The following MEIS1 variants were observed in gnomAD, a reference collection of about 807,000 sequenced individuals.
The protein encoded by MEIS1 is homeobox protein Meis1.
A neutral mutation model predicts 50.8 loss-of-function variants in MEIS1; 5 were observed. The observed-to-expected ratio is 0.10, with a 90% CI of 0.05 to 0.21. The LOEUF is 0.21. Ranked by LOEUF, MEIS1 falls within the 10% of genes least tolerant of loss-of-function variation. MEIS1 has a pLI of 1.00. For missense variants in MEIS1, 318 were observed against 517.3 expected (o/e 0.61, Z 3.74); for synonymous variants, 176 against 179.3 (o/e 0.98, Z 0.15).
rs781137077 is a variant in MEIS1, at chr2:66,509,017, T to C, written c.743-3132T>C. ...CTGCTGCCGTGTGGTCGGCCGGCGG[T>C]TCTCCAAGTTTGTTTAGTGATCTCA... is the stretch of plus-strand genomic sequence containing the variant. On this transcript the variant is annotated intron_variant, in intron 7 of 12. Coordinates refer to ENST00000272369, the MANE Select transcript of MEIS1 (RefSeq NM_002398.3). The C allele has an allele frequency of 2.2e-4, 106 of 471,266 alleles. 2 individuals are homozygous for C. Among genetic ancestry groups the C allele is most frequent in the Admixed American group, 1.7e-3 (73 of 42,592 alleles). The allele number at this position is 471,266 out of a possible 1,614,324, so 29.2% of individuals were successfully genotyped here.
In MEIS1 at chr2:66,463,383, G is replaced by A. The variant is rs189170212; in HGVS notation, c.631-726G>A. Among the ~76,000 whole-genome samples the A allele has an allele frequency of 2.0e-5, 3 of 152,218 alleles. No homozygotes were observed. In the East Asian group the frequency reaches 5.8e-4, roughly 29 times the overall value. ...TTTCTGGTGATAAAGAGAGATTTGG[G>A]AGAGGTGTCGCCATGATTGTTTTCC... is the stretch of plus-strand genomic sequence containing the variant. On this transcript the variant is annotated intron_variant, in intron 6 of 12. Transcript: ENST00000272369.
intron 9 of MEIS1, among the ~76,000 whole-genome samples, chr2:66,555,288 T>C (rs1290702715): frequency 1.5e-5 from 2 of 135,938 alleles, no homozygotes; most frequent in Admixed American, 7.6e-5. Flanking sequence ...CTCGTCTCTC[T>C]CCACCCCCCA....
intron 8 of MEIS1, among the ~76,000 whole-genome samples, chr2:66,532,943 T>C (rs767619874): frequency 6.6e-6 from 1 of 152,220 alleles, no homozygotes; most frequent in Non-Finnish European, 1.5e-5. Context: ...AAGACAGTTT[T>C]TTTTATCCAA....
chr2:66,515,028 G>A (rs1673930730), intron 8 of MEIS1, among the ~76,000 whole-genome samples: 1 of 152,094 alleles, frequency 6.6e-6, no homozygotes, highest in Admixed American at 6.6e-5. Flanking sequence ...TTCAAGTTCT[G>A]GGAGGTCTTC....
intron 7 of MEIS1, among the ~76,000 whole-genome samples, chr2:66,497,654 G>A (rs1673440329): frequency 6.6e-6 from 1 of 152,148 alleles, no homozygotes; most frequent in Non-Finnish European, 1.5e-5. Flanking sequence ...CAGCACTTTA[G>A]GAGGCTGAGA....
chr2:66,466,564 CT>C (rs1464707413), intron 7 of MEIS1, among the ~76,000 whole-genome samples: 30 of 152,314 alleles, frequency 2.0e-4, no homozygotes, highest in South Asian at 8.3e-4. Flanking sequence ...TTTGTGCAGC[CT>C]TCGGATTAAC....
chr2:66,515,490 A>G (rs1673942524), intron 8 of MEIS1, among the ~76,000 whole-genome samples: 1 of 152,198 alleles, frequency 6.6e-6, no homozygotes, highest in Non-Finnish European at 1.5e-5. Flanking sequence ...ATCCACAGGT[A>G]GACTTAATCA....
intron 9 of MEIS1, among the ~76,000 whole-genome samples, chr2:66,552,423 C>T (rs1674944166): frequency 6.6e-6 from 1 of 152,114 alleles, no homozygotes; most frequent in East Asian, 1.9e-4. Flanking sequence ...ATGTGAAATA[C>T]AGTATTTATA....
At chr2:66,454,537 G>A (rs930839106) in intron 6 of MEIS1, among the ~76,000 whole-genome samples, 16 of 151,902 alleles carry the variant, frequency 1.1e-4, no homozygotes, top group African/African-American at 2.9e-4. Context: ...CTGAGGTCTT[G>A]TTGCTTTCGG....
intron 7 of MEIS1, among the ~76,000 whole-genome samples, chr2:66,501,400 C>T (rs775371526): frequency 6.6e-6 from 1 of 151,860 alleles, no homozygotes; most frequent in African/African-American, 2.4e-5. Flanking sequence ...TTCTAAGACT[C>T]CATTAAAAAG....
intron 6 of MEIS1, among the ~76,000 whole-genome samples, chr2:66,444,866 G>C (rs1672090944): frequency 6.6e-6 from 1 of 152,168 alleles, no homozygotes; most frequent in Non-Finnish European, 1.5e-5. Context: ...AATCGCTTAG[G>C]GGCATGAATG....
chr2:66,527,161 A>T (rs941071335), intron 8 of MEIS1, among the ~76,000 whole-genome samples: 5 of 152,248 alleles, frequency 3.3e-5, no homozygotes, highest in Admixed American at 3.3e-4. Context: ...AAGATTATTA[A>T]TTGTTATTTA....
intron 7 of MEIS1, among the ~76,000 whole-genome samples, chr2:66,508,474 TG>T (rs1180383595): frequency 6.6e-6 from 1 of 152,112 alleles, no homozygotes; most frequent in Non-Finnish European, 1.5e-5. Context: ...AAAAAGAGAC[TG>T]GAGTGGCCCG....
chr2:66,467,219 A>C (rs1291233489), intron 7 of MEIS1, among the ~76,000 whole-genome samples: 1 of 152,228 alleles, frequency 6.6e-6, no homozygotes, highest in Non-Finnish European at 1.5e-5. Context: ...ATTTTGAATG[A>C]CTGATAATTT....
intron 6 of MEIS1, among the ~76,000 whole-genome samples, chr2:66,460,140 T>C (rs1336568647): frequency 6.6e-6 from 1 of 152,180 alleles, no homozygotes; most frequent in Non-Finnish European, 1.5e-5. Context: ...GAAGTTGCAG[T>C]TTGTTTGTTG....
At chr2:66,436,136 T>A (rs1021922046) in intron 1 of MEIS1, among the ~76,000 whole-genome samples, 1 of 149,226 alleles carries the variant, frequency 6.7e-6, no homozygotes, top group Non-Finnish European at 1.5e-5. Flanking sequence ...ATCATCTGGG[T>A]TTTTTTTTAA....
At chr2:66,487,713 G>A (rs1302063335) in intron 7 of MEIS1, among the ~76,000 whole-genome samples, 3 of 152,160 alleles carry the variant, frequency 2.0e-5, no homozygotes, top group Admixed American at 1.3e-4. Context: ...TCCCTACTTC[G>A]TAACTTACAA....
intron 7 of MEIS1, among the ~76,000 whole-genome samples, chr2:66,506,420 G>C (rs1673685919): frequency 6.6e-6 from 1 of 152,164 alleles, no homozygotes; most frequent in Non-Finnish European, 1.5e-5. Context: ...AGAGAGCAGT[G>C]CATGGTGCCA....
At chr2:66,479,146 A>G (rs1282148334) in intron 7 of MEIS1, among the ~76,000 whole-genome samples, 1 of 152,206 alleles carries the variant, frequency 6.6e-6, no homozygotes, top group Non-Finnish European at 1.5e-5. Context: ...TTATTACCCA[A>G]TTGGATGTCA....
Sources: gnomAD v4.1 joint callset for allele counts (sites outside exome capture counted in the v4.1 genomes callset) on GRCh38, gnomAD v4.1.1 for gene constraint, MANE v1.5 for transcripts, NCBI Gene and HGNC (gene_info 2026-07-23, HGNC 2026-07-21) for gene names.